Variants in SHB observed in about 807,000 individuals in gnomAD.
The protein encoded by SHB is SH2 domain containing adaptor protein B, also known as SH2 domain-containing adapter protein B.
SHB carries 20 observed loss-of-function variants against 52.3 expected under a neutral mutation model. The observed-to-expected ratio is 0.38, with a 90% CI of 0.27 to 0.56. SHB has a LOEUF of 0.56. Among genes scored for constraint, SHB ranks in the 20% least tolerant of loss-of-function variants. SHB has a pLI of 0.71. For synonymous variants in SHB, 397 were observed against 316.5 expected (o/e 1.25, Z -2.70); for missense variants, 825 against 723.3 (o/e 1.14, Z -1.61).
chr9:38,015,431 G>T lies in SHB; in HGVS notation c.838+580C>A, dbSNP rs1291256519. On this transcript the variant is annotated intron_variant, in intron 2 of 5. Transcript: ENST00000377707. ...CTTTGACAAGGTTTTGTCATCAAGG[G>T]CCAACAGGAAAACAGCCACTGGGGG... is the stretch of plus-strand genomic sequence containing the variant. 5.7e-6 allele frequency: 4 copies of T among 703,016 alleles called. No homozygotes were observed. The East Asian group carries it at 1.1e-4, about 19-fold the overall frequency. The allele number at this position is 703,016 out of a possible 1,614,324, so 43.5% of individuals were successfully genotyped here.
intron 5 of SHB, among the ~76,000 whole-genome samples, chr9:37,940,467 T>C (rs1832422167): frequency 6.6e-6 from 1 of 152,216 alleles, no homozygotes; most frequent in Non-Finnish European, 1.5e-5. Context: ...GCATTTCTTT[T>C]AAACCTTTTA....
chr9:38,063,285 A>G (rs936992456), intron 1 of SHB, among the ~76,000 whole-genome samples: 4 of 152,236 alleles, frequency 2.6e-5, no homozygotes, highest in Non-Finnish European at 1.5e-5. Context: ...GCTTCAATCA[A>G]GCCCTACATC....
intron 5 of SHB, among the ~76,000 whole-genome samples, chr9:37,945,746 G>A (rs756907988): frequency 5.3e-5 from 8 of 152,260 alleles, no homozygotes; most frequent in Non-Finnish European, 7.4e-5. Context: ...CTCCCTCGAC[G>A]TCCTCCCCTC....
chr9:37,983,576 CTAATT>C (rs1456003009), intron 2 of SHB, among the ~76,000 whole-genome samples: 1 of 152,150 alleles, frequency 6.6e-6, no homozygotes, highest in African/African-American at 2.4e-5. Flanking sequence ...CCCTTCACCT[CTAATT>C]TTCCCAGCTG....
intron 3 of SHB, among the ~76,000 whole-genome samples, chr9:37,965,385 C>T (rs1227099836): frequency 6.6e-6 from 1 of 152,164 alleles, no homozygotes; most frequent in East Asian, 1.9e-4. Flanking sequence ...GAGGTGGCAG[C>T]CACAGCAGTC....
intron 1 of SHB, among the ~76,000 whole-genome samples, chr9:38,030,309 T>C (rs761473606): frequency 6.6e-6 from 1 of 152,154 alleles, no homozygotes; most frequent in Non-Finnish European, 1.5e-5. Flanking sequence ...GCACACTCTG[T>C]AGACGACACA....
intron 1 of SHB, among the ~76,000 whole-genome samples, chr9:38,041,046 T>C (rs1821569096): frequency 6.6e-6 from 1 of 151,980 alleles, no homozygotes; most frequent in Admixed American, 6.6e-5. Flanking sequence ...CTGAGGACAT[T>C]TGTCCTTACC....
In SHB at chr9:37,987,611, C is replaced by CAGTT. The variant is rs1430564205; in HGVS notation, c.839-12778_839-12775dup. ...CAAGTCGCTTCCTCCCTCTGGCTGT[C>CAGTT]AGTTGGTCATCAGTCAGGGTCACTG... On this transcript the variant is annotated intron_variant, in intron 2 of 5. Transcript: ENST00000377707. Among the ~76,000 whole-genome samples, 8 of 152,364 alleles carry CAGTT rather than the reference C, an allele frequency of 5.3e-5. No individual in the cohort carries two copies. In the South Asian group the frequency reaches 1.0e-3, roughly 20 times the overall value.
rs554339083 is a variant in SHB, at chr9:37,952,424, ATGACCCAGGCACTG to A, written c.1226+3445_1226+3458del. ...CTCACAGAGCAGAAAGGCGGCAAGAATGACCCAGGCACTGTGAGCAGCGGGCAGGAGGTAGGCCC... is the reference window on the plus strand; with the variant it reads ...CTCACAGAGCAGAAAGGCGGCAAGAATGAGCAGCGGGCAGGAGGTAGGCCC... On this transcript the variant is annotated intron_variant, in intron 4 of 5. Coordinates refer to ENST00000377707, the MANE Select transcript of SHB (RefSeq NM_003028.3). Among the ~76,000 whole-genome samples, 11 of 152,340 alleles carry A rather than the reference ATGACCCAGGCACTG, an allele frequency of 7.2e-5. No individual in the cohort carries two copies. In the South Asian group the frequency reaches 2.1e-3, roughly 29 times the overall value.
chr9:37,972,694 A>G (rs1381370867), intron 3 of SHB, among the ~76,000 whole-genome samples: 2 of 152,212 alleles, frequency 1.3e-5, no homozygotes, highest in Non-Finnish European at 2.9e-5. Context: ...ATTGTTCCAG[A>G]TAAGACAGGC....
intron 3 of SHB, among the ~76,000 whole-genome samples, chr9:37,964,851 A>G (rs10814634): frequency 0.53 from 80,686 of 151,984 alleles, 21,514 homozygotes; most frequent in East Asian, 0.8. Flanking sequence ...CATCCCGCCA[A>G]CAAGTGACAG....
chr9:38,068,096 G>C lies in SHB; in HGVS notation c.550C>G (p.Arg184Gly), dbSNP rs962381538. Residue 184 changes from arginine to glycine, a missense_variant, in exon 1 of 6, where the codon CGC becomes GGC. Physicochemically the swap from Arg to Gly is moderately radical, Grantham distance 125. Coordinates refer to ENST00000377707, the MANE Select transcript of SHB (RefSeq NM_003028.3). Reference protein sequence around the residue: ...AEVRYISPKHRLIKVESAAGG... With the variant: ...AEVRYISPKHGLIKVESAAGG... ...GCGGCGCTCTCCACTTTGATGAGGC[G>C]GTGCTTGGGGGAGATGTAGCGCACC... is the stretch of plus-strand genomic sequence containing the variant. 2.0e-6 allele frequency: 3 copies of C among 1,484,886 alleles called. No homozygotes were observed. Among genetic ancestry groups the C allele is most frequent in the Non-Finnish European group, 2.7e-6 (3 of 1,129,334 alleles). The allele number at this position is 1,484,886 out of a possible 1,614,324, so 92.0% of individuals were successfully genotyped here.
intron 1 of SHB, among the ~76,000 whole-genome samples, chr9:38,040,836 G>A (rs1821566109): frequency 6.6e-6 from 1 of 151,644 alleles, no homozygotes; most frequent in South Asian, 2.1e-4. Context: ...ATAAATGGAG[G>A]AAGCATGAAA....
intron 5 of SHB, among the ~76,000 whole-genome samples, chr9:37,945,509 A>G (rs72724194): frequency 0.13 from 19,179 of 152,166 alleles, 1,231 homozygotes; most frequent in African/African-American, 0.16. Flanking sequence ...CACCTCCCCA[A>G]TTCTGGCATT....
intron 3 of SHB, among the ~76,000 whole-genome samples, chr9:37,962,858 T>C (rs564288623): frequency 6.4e-4 from 97 of 152,300 alleles, no homozygotes; most frequent in African/African-American, 2.2e-3. Context: ...GCAGGCACCA[T>C]GGGGGACTTA....
At chr9:38,000,119 C>T (rs554463007) in intron 2 of SHB, among the ~76,000 whole-genome samples, 22 of 152,322 alleles carry the variant, frequency 1.4e-4, no homozygotes, top group Middle Eastern at 3.4e-3. Context: ...GACAACAGAA[C>T]GGATGTCCAT....
intron 1 of SHB, 122 bp downstream of exon 1, chr9:38,067,807 C>T: frequency 1.8e-6 from 2 of 1,121,948 alleles, no homozygotes; most frequent in Non-Finnish European, 2.4e-6. Context: ...GCACGCCAGC[C>T]CCGACCCAGG....
At chr9:37,981,355 G>A (rs1820721846) in intron 2 of SHB, among the ~76,000 whole-genome samples, 1 of 152,194 alleles carries the variant, frequency 6.6e-6, no homozygotes, top group African/African-American at 2.4e-5. Flanking sequence ...TTAAACCTCA[G>A]AAATCAACCT....
chr9:37,965,610 T>C (rs1363839935), intron 3 of SHB, among the ~76,000 whole-genome samples: 1 of 148,042 alleles, frequency 6.8e-6, no homozygotes, highest in African/African-American at 2.5e-5. Flanking sequence ...GGAGTCTCAC[T>C]CTGTTGCCCA....
Sources: gnomAD v4.1 joint callset for allele counts (sites outside exome capture counted in the v4.1 genomes callset) on GRCh38, gnomAD v4.1.1 for gene constraint, MANE v1.5 for transcripts, NCBI Gene and HGNC (gene_info 2026-07-23, HGNC 2026-07-21) for gene names.